Variants in MIGA1 observed in about 807,000 individuals in gnomAD.
MIGA1 encodes the protein mitoguardin 1.
Under a neutral mutation model 82.0 loss-of-function variants are expected in MIGA1, and 58 were observed. That is an observed-to-expected ratio of 0.71 (90% CI 0.57 to 0.88). The LOEUF (loss-of-function observed/expected upper bound fraction) is 0.88. MIGA1 is among the 40% of genes least tolerant of loss of function. The pLI, the probability that MIGA1 is intolerant of heterozygous loss-of-function variation, is 0.00. For missense variants in MIGA1, 751 were observed against 749.1 expected (o/e 1.00, Z -0.03); for synonymous variants, 249 against 253.6 (o/e 0.98, Z 0.17).
intron 1 of MIGA1, among the ~76,000 whole-genome samples, chr1:77,781,212 G>T (rs1057239263): frequency 6.6e-6 from 1 of 152,044 alleles, no homozygotes; most frequent in Non-Finnish European, 1.5e-5. Flanking sequence ...CCTGGCCGAG[G>T]TTTGTCATAA....
chr1:77,806,850 A>G, intron 4 of MIGA1, 125 bp from the exon 5 acceptor site: 2 of 658,566 alleles, frequency 3.0e-6, no homozygotes, highest in South Asian at 2.5e-5. Flanking sequence ...TTATTTCTTC[A>G]TGTGGAAATT....
chr1:77,818,461 A>G lies in MIGA1; in HGVS notation c.895+3230A>G, dbSNP rs1683665444. Among the ~76,000 whole-genome samples, 6 of 152,264 alleles carry G rather than the reference A, an allele frequency of 3.9e-5. No individual in the cohort carries two copies. In the South Asian group the frequency reaches 1.2e-3, roughly 32 times the overall value. ...TTCAGAATATAACAGTACCTGACCC[A>G]GAGAAGACACAAGGATGTACGTGAA... On this transcript the variant is annotated intron_variant, in intron 7 of 15. Coordinates refer to ENST00000370791, the MANE Select transcript of MIGA1 (RefSeq NM_198549.4).
intron 7 of MIGA1, among the ~76,000 whole-genome samples, chr1:77,829,072 T>C (rs960948653): frequency 1.3e-5 from 2 of 152,226 alleles, no homozygotes; most frequent in Admixed American, 6.5e-5. Flanking sequence ...ATAATTCTTT[T>C]GTATTTTCCT....
intron 1 of MIGA1, among the ~76,000 whole-genome samples, chr1:77,781,020 C>A (rs2101669028): frequency 6.6e-6 from 1 of 151,572 alleles, no homozygotes; most frequent in African/African-American, 2.4e-5. Context: ...AGTTCTCCTA[C>A]CTCAGCCTTC....
At chr1:77,803,562 GCTGA>G (rs773982681) in intron 4 of MIGA1, among the ~76,000 whole-genome samples, 156 bp downstream of exon 4, 17 of 152,054 alleles carry the variant, frequency 1.1e-4, no homozygotes, top group Admixed American at 3.9e-4. Flanking sequence ...ATACCTTTTT[GCTGA>G]CTATTAGTCA....
At chr1:77,857,519 CT>C (rs1280786183) in intron 8 of MIGA1, among the ~76,000 whole-genome samples, 1 of 151,808 alleles carries the variant, frequency 6.6e-6, no homozygotes, top group East Asian at 1.9e-4. Context: ...CTGGCCCCCC[CT>C]AATTTTTTTA....
At chr1:77,861,435 G>A in intron 12 of MIGA1, 113 bp downstream of exon 12, 1 of 691,068 alleles carries the variant, frequency 1.4e-6, no homozygotes, top group Non-Finnish European at 2.5e-6. Flanking sequence ...TTGTATGGTT[G>A]TGGGACATCT....
chr1:77,792,741 A>G (rs1036480920), intron 2 of MIGA1, among the ~76,000 whole-genome samples: 9 of 149,286 alleles, frequency 6.0e-5, no homozygotes, highest in African/African-American at 2.2e-4. Context: ...ATGAAATGAA[A>G]TGTCTCTTCA....
chr1:77,808,803 C>A (rs1475488427), intron 5 of MIGA1, among the ~76,000 whole-genome samples: 2 of 152,174 alleles, frequency 1.3e-5, no homozygotes, highest in Non-Finnish European at 2.9e-5. Context: ...GAATGCATTC[C>A]TACTCTCTAG....
intron 3 of MIGA1, 70 bp downstream of exon 3, chr1:77,801,578 C>A: frequency 1.5e-6 from 2 of 1,318,130 alleles, no homozygotes; most frequent in South Asian, 3.3e-5. Context: ...TGATTTTGGT[C>A]TTTTAGTCTC....
At chr1:77,861,176 G>T (rs373627804) in intron 11 of MIGA1, 48 bp from the exon 12 acceptor site, 1 of 1,172,728 alleles carries the variant, frequency 8.5e-7, no homozygotes. Flanking sequence ...TTTCTTTGTA[G>T]CTTGTTATAA....
chr1:77,874,873 AT>A lies in MIGA1; in HGVS notation c.1713del (p.Phe571LeufsTer14). ...TCAAGTTCTTTTATTTCTCAAAGACATTTTTGACTTTGAGAAGGTGCGCTAT... is the reference window on the plus strand; with the variant it reads ...TCAAGTTCTTTTATTTCTCAAAGACATTTTGACTTTGAGAAGGTGCGCTAT... On this transcript the variant is annotated frameshift_variant, in exon 16 of 16. Transcript: ENST00000370791. LOFTEE classifies it high-confidence loss of function. The A allele has an allele frequency of 6.2e-7, 1 of 1,613,956 alleles. No homozygotes were observed. The highest frequency in any genetic ancestry group is 8.5e-7 in the Non-Finnish European group (1 of 1,179,916).
intron 8 of MIGA1, chr1:77,848,065 G>A (rs2101902685): frequency 7.8e-7 from 1 of 1,290,284 alleles, no homozygotes; most frequent in Non-Finnish European, 1.1e-6. Context: ...CGAACATCGA[G>A]AGGACACGAG....
intron 15 of MIGA1, 142 bp from the exon 16 acceptor site, chr1:77,874,704 G>C: frequency 1.6e-6 from 1 of 634,038 alleles, no homozygotes; most frequent in Non-Finnish European, 2.8e-6. Context: ...CTTGTGCAAG[G>C]TCCCTTTTCT....
chr1:77,801,466 C>T lies in MIGA1; in HGVS notation c.331C>T (p.His111Tyr). The change falls in exon 3 of 16, where the codon CAC (histidine) becomes TAC (tyrosine). Residue 111 changes from histidine (H) to tyrosine (Y), a missense_variant. Physicochemically the swap from His to Tyr is moderately conservative, Grantham distance 83. Transcript: ENST00000370791. Reference sequence around the variant, plus strand: ...AAAAATATTACCATGGGAACCAGAGCACCTCATACTTGAATACACTAAAAG... The same window carrying T: ...AAAAATATTACCATGGGAACCAGAGTACCTCATACTTGAATACACTAAAAG... 1.9e-6 allele frequency: 3 copies of T among 1,605,522 alleles called. No individual in the cohort carries two copies. Among genetic ancestry groups the T allele is most frequent in the African/African-American group, 2.7e-5 (2 of 74,500 alleles).
At chr1:77,822,472 T>C (rs1683856709) in intron 7 of MIGA1, among the ~76,000 whole-genome samples, 1 of 152,196 alleles carries the variant, frequency 6.6e-6, no homozygotes. Context: ...TTTTTGTATA[T>C]CATAACAAAA....
rs571089959 is a variant in MIGA1, at chr1:77,791,704, C to T, written c.195+8353C>T. 9.2e-5 allele frequency among the ~76,000 whole-genome samples: 14 copies of T among 151,696 alleles called. No individual in the cohort carries two copies. The East Asian group carries it at 1.6e-3, about 17-fold the overall frequency. ...TCAGCCTCCTGATTTGGTGGGATTACAGGCGCACACCACCATGCCTGGCTA... is the reference window on the plus strand; with the variant it reads ...TCAGCCTCCTGATTTGGTGGGATTATAGGCGCACACCACCATGCCTGGCTA... On this transcript the variant is annotated intron_variant, in intron 2 of 15. Coordinates refer to ENST00000370791, the MANE Select transcript of MIGA1 (RefSeq NM_198549.4).
chr1:77,799,269 G>A (rs1002423118), intron 2 of MIGA1, among the ~76,000 whole-genome samples: 9 of 152,042 alleles, frequency 5.9e-5, no homozygotes, highest in African/African-American at 1.9e-4. Flanking sequence ...ATAATGTACG[G>A]TATTCAATAA....
At chr1:77,811,995 A>G (rs1171089685) in intron 5 of MIGA1, among the ~76,000 whole-genome samples, 1 of 152,200 alleles carries the variant, frequency 6.6e-6, no homozygotes, top group East Asian at 1.9e-4. Context: ...AAATCAAACA[A>G]GAAGGAAAGG....
Sources: gnomAD v4.1 joint callset for allele counts (sites outside exome capture counted in the v4.1 genomes callset) on GRCh38, gnomAD v4.1.1 for gene constraint, MANE v1.5 for transcripts, NCBI Gene and HGNC (gene_info 2026-07-23, HGNC 2026-07-21) for gene names.